POLRMT: variants seen among roughly 807,000 people sequenced by gnomAD.
POLRMT encodes DNA-directed RNA polymerase, mitochondrial.
Under a neutral mutation model 132.2 loss-of-function variants are expected in POLRMT, and 114 were observed. That is an observed-to-expected ratio of 0.86 (90% CI 0.74 to 1.01). The LOEUF (loss-of-function observed/expected upper bound fraction) is 1.01, where lower values mean the gene tolerates loss of function less well. Among genes scored for constraint, POLRMT ranks in the 50% least tolerant of loss-of-function variants. The pLI, the probability that POLRMT is intolerant of heterozygous loss-of-function variation, is 0.00. For missense variants in POLRMT, 2,003 were observed against 1,729.1 expected, an observed-to-expected ratio of 1.16 and a Z score of -2.81; for synonymous variants, 1,020 against 773.4, an observed-to-expected ratio of 1.32 and a Z score of -5.29.
In POLRMT at chr19:619,716, T is replaced by C. The variant is rs776986400; in HGVS notation, c.2936A>G (p.Gln979Arg). ...GCGGGTGATGAAACCTTCCAGCACC[T>C]GTGCCACCCGCATGCCCCGCTGGGC... ...QDAQRGMRVA[Q>R]VLEGFITRKV... Residue 979 changes from glutamine to arginine, a missense_variant, in exon 13 of 21, where the codon CAG becomes CGG. Gln to Arg is a conservative substitution (Grantham distance 43, BLOSUM62 1). Coordinates refer to ENST00000588649, the MANE Select transcript of POLRMT (RefSeq NM_005035.4). 13 of 1,604,002 alleles carry C rather than the reference T, an allele frequency of 8.1e-6. No homozygotes were observed. The highest frequency in any genetic ancestry group is 1.1e-5 in the Non-Finnish European group (13 of 1,175,568).
chr19:619,341 G>A (rs753767217), intron 13 of POLRMT, 45 bp from the exon 14 acceptor site: 80 of 1,575,286 alleles, frequency 5.1e-5, no homozygotes, highest in Middle Eastern at 2.3e-4. Context: ...GGGCTGGCCC[G>A]TTCACGCCCT....
Position 622,902 on chromosome 19 carries a change from G to C in POLRMT, c.1374C>G (p.Arg458=). ...GTGAGAACCGGCCCTCGTACACCTC[G>C]CGCTCTAGGCGGTTCTTGGTCTCCC... ...ALRETKNRLE[R]EVYEGRFSLY... The change falls in exon 7 of 21, where the codon CGC becomes CGG. Residue 458 remains arginine (R), a synonymous_variant. Coordinates refer to ENST00000588649, the MANE Select transcript of POLRMT (RefSeq NM_005035.4). 6.2e-7 allele frequency: 1 copy of C among 1,612,426 alleles called. No individual in the cohort carries two copies. Among genetic ancestry groups the C allele is most frequent in the Admixed American group, 1.7e-5 (1 of 59,950 alleles).
At chr19:627,175 G>A (rs1397090791) in intron 3 of POLRMT, among the ~76,000 whole-genome samples, 4 of 134,600 alleles carry the variant, frequency 3.0e-5, no homozygotes, top group Admixed American at 1.6e-4. Flanking sequence ...TTTTTGAGAC[G>A]GAGTCTCGCT....
chr19:617,580 A>G lies in POLRMT; in HGVS notation c.3571T>C (p.Phe1191Leu). Residue 1191 changes from phenylalanine (F) to leucine (L), a missense_variant, in exon 19 of 21, where the codon TTC (phenylalanine) becomes CTC (leucine). Transcript: ENST00000588649. ...CAGGGAGCGCCTTACTCAGAGCAGA[A>G]CCGCTTGACCAGGAATCTGGACAGG... Reference protein sequence around the residue: ...QDLSRFLVKRFCSEPQKILEA... With the variant: ...QDLSRFLVKRLCSEPQKILEA... The G allele has an allele frequency of 6.2e-7, 1 of 1,611,960 alleles. No homozygotes were observed.
intron 16 of POLRMT, 50 bp from the exon 17 acceptor site, chr19:618,636 T>C (rs2144573572): frequency 1.3e-6 from 2 of 1,598,812 alleles, no homozygotes; most frequent in African/African-American, 2.7e-5. Flanking sequence ...CACCCCTAAC[T>C]GGCCGCTGTC....
At chr19:629,427 A>C in intron 3 of POLRMT, 113 bp downstream of exon 3, 1 of 1,119,942 alleles carries the variant, frequency 8.9e-7, no homozygotes. Flanking sequence ...TTATTAAAAT[A>C]AAAAACAAAG....
At chr19:618,679 G>T in intron 16 of POLRMT, 26 bp downstream of exon 16, 1 of 1,606,090 alleles carries the variant, frequency 6.2e-7, no homozygotes, top group Non-Finnish European at 8.5e-7. Flanking sequence ...CCCCCGGCCA[G>T]GCCCCAGCCC....
In POLRMT at chr19:620,103, G is replaced by C. The variant is rs549407369; in HGVS notation, c.2764-23C>G. Reference sequence around the variant, plus strand: ...GTCCTGAGGAAGGGGCGGCAAACGGGAGATGGAAGCTAGAGAGGCAGAGAC... The same window carrying C: ...GTCCTGAGGAAGGGGCGGCAAACGGCAGATGGAAGCTAGAGAGGCAGAGAC... On this transcript the variant is annotated intron_variant, in intron 11 of 20. Coordinates refer to ENST00000588649, the MANE Select transcript of POLRMT (RefSeq NM_005035.4). 749 of 1,535,478 alleles carry C rather than the reference G, an allele frequency of 4.9e-4. 4 individuals carry two copies. In the African/African-American group the frequency reaches 9.2e-3, roughly 19 times the overall value.
intron 6 of POLRMT, 125 bp downstream of exon 6, chr19:623,329 C>T (rs1204818801): frequency 7.6e-6 from 11 of 1,455,538 alleles, no homozygotes; most frequent in South Asian, 2.7e-5. Context: ...TCAGCCCCTG[C>T]GGCGGACACG....
chr19:626,408 C>T (rs1255599597), intron 3 of POLRMT, among the ~76,000 whole-genome samples: 2 of 150,952 alleles, frequency 1.3e-5, no homozygotes, highest in Non-Finnish European at 3.0e-5. Flanking sequence ...CCCGCCTCGG[C>T]CTCCCAAAGT....
At chr19:620,256 A>C in intron 11 of POLRMT, 109 bp downstream of exon 11, 1 of 1,458,192 alleles carries the variant, frequency 6.9e-7, no homozygotes, top group Non-Finnish European at 9.1e-7. Flanking sequence ...ACACTCTAGG[A>C]CCACCTCCAG....
chr19:625,452 G>A, intron 3 of POLRMT, 198 bp from the exon 4 acceptor site: 2 of 625,942 alleles, frequency 3.2e-6, no homozygotes, highest in East Asian at 3.1e-5. Context: ...CAGCCGCATG[G>A]CCCGCCAGGT....
chr19:627,640 C>T (rs943710564), intron 3 of POLRMT, among the ~76,000 whole-genome samples: 3 of 151,806 alleles, frequency 2.0e-5, no homozygotes, highest in Admixed American at 1.3e-4. Flanking sequence ...GGTTAGAATA[C>T]GTGGCCGGGC....
intron 17 of POLRMT, 184 bp downstream of exon 17, chr19:618,304 C>G (rs1984177230): frequency 3.4e-6 from 2 of 586,304 alleles, no homozygotes; most frequent in South Asian, 2.2e-5. Flanking sequence ...AGGAGGGGAG[C>G]TGCCAGGACC....
intron 3 of POLRMT, among the ~76,000 whole-genome samples, chr19:629,047 T>G (rs1355272946): frequency 1.3e-5 from 2 of 151,950 alleles, no homozygotes; most frequent in East Asian, 1.9e-4. Flanking sequence ...CAAGGGAAAT[T>G]GGAAAATACT....
intron 10 of POLRMT, among the ~76,000 whole-genome samples, chr19:620,778 T>G (rs1457167641): frequency 8.3e-5 from 3 of 35,962 alleles, no homozygotes; most frequent in South Asian, 1.3e-3. Context: ...GCTCGGCGGA[T>G]GCAGGGGAGG....
Position 619,768 on chromosome 19 carries a change from G to A in POLRMT, c.2887-3C>T, listed in dbSNP as rs1193425828. On this transcript the variant is annotated splice_region_variant and splice_polypyrimidine_tract_variant and intron_variant, in intron 12 of 20. Transcript: ENST00000588649. ...TCCTGCCTACGGAACACCTCCACCT[G>A]CACGGCGGGTGGGCCGGGGGCGCGG... The A allele has an allele frequency of 5.1e-6, 8 of 1,566,678 alleles. No individual in the cohort carries two copies. The highest frequency in any genetic ancestry group is 5.2e-6 in the Non-Finnish European group (6 of 1,155,990).
chr19:629,453 G>T (rs904758992), intron 3 of POLRMT, 87 bp downstream of exon 3: 2 of 1,281,964 alleles, frequency 1.6e-6, no homozygotes, highest in African/African-American at 1.5e-5. Context: ...GAACCTGGGG[G>T]CTAAGAGAGA....
rs990376642 is a variant in POLRMT at position 618,521 on chromosome 19, G to C, written c.3389C>G (p.Ser1130Cys). The stretch of plus-strand genomic sequence containing the variant: ...GTGCAGGGCGGTGAGCATCATGTGG[G>C]AGGAGTCCAGCGAGTGGATGAAGTT... ...PPNFIHSLDS[S>C]HMMLTALHCY... The change falls in exon 17 of 21, where the codon TCC becomes TGC. Residue 1130 changes from serine to cysteine, a missense_variant. Transcript: ENST00000588649. The C allele has an allele frequency of 6.2e-7, 1 of 1,613,112 alleles. No homozygotes were observed. The highest frequency in any genetic ancestry group is 1.3e-5 in the African/African-American group (1 of 75,040).
Sources: allele counts gnomAD v4.1 joint callset (sites outside exome capture counted in the v4.1 genomes callset), GRCh38; gene constraint gnomAD v4.1.1; transcripts MANE v1.5; gene names NCBI Gene and HGNC (gene_info 2026-07-23, HGNC 2026-07-21).